The following OBI1 variants were observed in gnomAD, a reference collection of about 807,000 sequenced individuals.
OBI1 encodes ring finger protein 219.
OBI1 carries 59 observed loss-of-function variants against 62.4 expected under a neutral mutation model. That is an observed-to-expected ratio of 0.95 (90% CI 0.77 to 1.17). The LOEUF is 1.17. OBI1 is among the 50% of genes most tolerant of loss of function. The probability of loss-of-function intolerance (pLI) is 0.00; values close to 1 mark genes in which losing one functional copy is unlikely to be tolerated. For synonymous variants in OBI1, 302 were observed against 292.8 expected (o/e 1.03, Z -0.32); for missense variants, 875 against 830.9 (o/e 1.05, Z -0.65).
rs1341276758 is a variant in OBI1, at chr13:78,614,868, C to G, written c.*712G>C. The stretch of plus-strand genomic sequence containing the variant: ...AGAGGAGAAAATGTAAGCTACCTAA[C>G]ATAAAACAAATGTCTTCATATAGAA... On this transcript the variant is annotated 3_prime_UTR_variant, in exon 6 of 6. Coordinates refer to ENST00000282003, the MANE Select transcript of OBI1 (RefSeq NM_024546.4). 1 of 152,198 alleles carries G rather than the reference C, an allele frequency of 6.6e-6. No homozygotes were observed. The highest frequency in any genetic ancestry group is 2.4e-5 in the African/African-American group (1 of 41,454). The allele number at this position is 152,198 out of a possible 1,614,324, so 9.4% of individuals were successfully genotyped here.
chr13:78,635,076 A>G lies in OBI1; in HGVS notation c.638+34T>C, dbSNP rs770615081. The stretch of plus-strand genomic sequence containing the variant: ...CAGCCTAGTCTAAAATATTGACATA[A>G]TCTGAAGCATTGCTCTGGGAGCAAA... On this transcript the variant is annotated intron_variant, in intron 5 of 5. Transcript: ENST00000282003. The G allele has an allele frequency of 3.1e-6, 4 of 1,297,942 alleles. No individual in the cohort carries two copies. The South Asian group carries it at 3.8e-5, about 12-fold the overall frequency. The allele number at this position is 1,297,942 out of a possible 1,614,324, so 80.4% of individuals were successfully genotyped here. A position where few individuals can be genotyped will look rare whatever the true frequency, so the allele number is the denominator to read the frequency against.
At chr13:78,648,556 G>A (rs1346673114) in intron 1 of OBI1, among the ~76,000 whole-genome samples, 9 of 151,910 alleles carry the variant, frequency 5.9e-5, no homozygotes, top group Non-Finnish European at 8.8e-5. Context: ...AAAGCAAAGC[G>A]TGCACATTAT....
chr13:78,631,979 A>T (rs1393163159), intron 5 of OBI1, among the ~76,000 whole-genome samples: 3 of 152,278 alleles, frequency 2.0e-5, no homozygotes, highest in Middle Eastern at 6.8e-3. Context: ...CTTTGTTCGT[A>T]CCAGATTTTA....
At chr13:78,626,898 C>T (rs1031668717) in intron 5 of OBI1, among the ~76,000 whole-genome samples, 3 of 152,138 alleles carry the variant, frequency 2.0e-5, no homozygotes, top group Non-Finnish European at 4.4e-5. Flanking sequence ...AACCCCATCT[C>T]TACTAAAAAT....
At chr13:78,628,051 G>A (rs181528391) in intron 5 of OBI1, among the ~76,000 whole-genome samples, 7 of 152,106 alleles carry the variant, frequency 4.6e-5, no homozygotes, top group South Asian at 4.1e-4. Context: ...AACAGGCCAC[G>A]CAATTAAATG....
At chr13:78,628,590 G>A (rs574683517) in intron 5 of OBI1, among the ~76,000 whole-genome samples, 59 of 152,300 alleles carry the variant, frequency 3.9e-4, no homozygotes, top group Admixed American at 1.3e-3. Context: ...AGAATTAGAC[G>A]AAGAAGAGGT....
At chr13:78,639,427 A>C (rs1403302137) in intron 3 of OBI1, among the ~76,000 whole-genome samples, 1 of 152,152 alleles carries the variant, frequency 6.6e-6, no homozygotes, top group Non-Finnish European at 1.5e-5. Context: ...CGTGGAAGTC[A>C]GTGTGGCGAT....
At chr13:78,644,160 C>G (rs981977998) in intron 2 of OBI1, among the ~76,000 whole-genome samples, 6 of 152,204 alleles carry the variant, frequency 3.9e-5, no homozygotes, top group African/African-American at 1.4e-4. Context: ...TACTCACATC[C>G]TGTCTACTCC....
Position 78,640,976 on chromosome 13 carries a change from A to G in OBI1, c.300+1146T>C, listed in dbSNP as rs1402757219. On this transcript the variant is annotated intron_variant, in intron 3 of 5. Transcript: ENST00000282003. ...TGGTTCTTCAATTACTACTGTGACT[A>G]TTGCAAGTATTAGCCTTCCCACTCT... 2.3e-5 allele frequency among the ~76,000 whole-genome samples: 3 copies of G among 128,538 alleles called. No individual in the cohort carries two copies. The East Asian group carries it at 6.6e-4, about 28-fold the overall frequency. The allele number at this position is 128,538 out of a possible 152,430, so 84.3% of individuals were successfully genotyped here.
At chr13:78,618,964 A>T (rs1175115056) in intron 5 of OBI1, among the ~76,000 whole-genome samples, 7 of 152,216 alleles carry the variant, frequency 4.6e-5, no homozygotes, top group Admixed American at 4.6e-4. Context: ...CTACTCTGGC[A>T]TAATCAAATA....
At chr13:78,617,612 A>T (rs933254639) in intron 5 of OBI1, among the ~76,000 whole-genome samples, 11 of 152,194 alleles carry the variant, frequency 7.2e-5, no homozygotes, top group Admixed American at 6.5e-4. Flanking sequence ...TGAAATTCAG[A>T]AATCTTAGCA....
At chr13:78,630,483 C>T (rs1300783738) in intron 5 of OBI1, among the ~76,000 whole-genome samples, 1 of 151,928 alleles carries the variant, frequency 6.6e-6, no homozygotes, top group Non-Finnish European at 1.5e-5. Flanking sequence ...TGTTTGTGTC[C>T]CCCATAAATT....
chr13:78,636,120 T>A (rs1400332246), intron 4 of OBI1, among the ~76,000 whole-genome samples: 2 of 152,108 alleles, frequency 1.3e-5, no homozygotes, highest in Non-Finnish European at 2.9e-5. Context: ...AAAAAATCCT[T>A]CCAAGTATGA....
intron 5 of OBI1, chr13:78,620,711 G>A: frequency 2.2e-6 from 1 of 454,440 alleles, no homozygotes; most frequent in Non-Finnish European, 4.4e-6. Flanking sequence ...AAGTCCTATT[G>A]GTATGACCTT....
rs1191316740 is a variant in OBI1 at position 78,615,037 on chromosome 13, C to G, written c.*543G>C. On this transcript the variant is annotated 3_prime_UTR_variant, in exon 6 of 6. Transcript: ENST00000282003. Reference sequence around the variant, plus strand: ...CTAGAGTGCTATTTCTCCATCATGGCCCTGCAGAAAAACTAGGCCATCACT... The same window carrying G: ...CTAGAGTGCTATTTCTCCATCATGGGCCTGCAGAAAAACTAGGCCATCACT... The G allele has an allele frequency of 6.6e-6, 1 of 152,094 alleles. No individual in the cohort carries two copies. The highest frequency in any genetic ancestry group is 6.5e-5 in the Admixed American group (1 of 15,268). 9.4% of individuals were successfully genotyped at this position (152,094 alleles called of 1,614,324 possible).
At chr13:78,648,279 AACACAC>A (rs3064402) in intron 1 of OBI1, among the ~76,000 whole-genome samples, 99 of 146,748 alleles carry the variant, frequency 6.7e-4, no homozygotes, top group Middle Eastern at 3.4e-3. Flanking sequence ...ACTTCCCCCA[AACACAC>A]ACACACACAC....
chr13:78,653,625 C>A (rs1388172743), intron 1 of OBI1, among the ~76,000 whole-genome samples: 3 of 152,206 alleles, frequency 2.0e-5, no homozygotes, highest in Admixed American at 6.5e-5. Context: ...AAATACAGGA[C>A]GATGTGCCTG....
chr13:78,639,177 T>A, intron 3 of OBI1, 106 bp from the exon 4 acceptor site: 2 of 1,101,012 alleles, frequency 1.8e-6, no homozygotes, highest in East Asian at 2.5e-5. Flanking sequence ...TAAAATTCTG[T>A]AGATACATAG....
chr13:78,654,590 T>C (rs1370945454), intron 1 of OBI1, among the ~76,000 whole-genome samples: 1 of 152,190 alleles, frequency 6.6e-6, no homozygotes, highest in African/African-American at 2.4e-5. Flanking sequence ...TCTCTAGCCC[T>C]ATATTTTCAA....
Sources: gnomAD v4.1 joint callset for allele counts (sites outside exome capture counted in the v4.1 genomes callset) on GRCh38, gnomAD v4.1.1 for gene constraint, MANE v1.5 for transcripts, NCBI Gene and HGNC (gene_info 2026-07-23, HGNC 2026-07-21) for gene names.